The following NIPAL2 variants were observed in gnomAD, a reference collection of about 807,000 sequenced individuals.
NIPAL2 encodes the protein NIPA like domain containing 2.
In NIPAL2, 43 loss-of-function variants were observed where a neutral mutation model predicts 48.9. The observed-to-expected ratio is 0.88, with a 90% CI of 0.69 to 1.13. NIPAL2 has a LOEUF of 1.13. Among genes scored for constraint, NIPAL2 ranks in the 50% most tolerant of loss-of-function variants. The pLI is 0.00. For missense variants in NIPAL2, 446 were observed against 461.4 expected, an observed-to-expected ratio of 0.97 and a Z score of 0.31; for synonymous variants, 167 against 174.6, an observed-to-expected ratio of 0.96 and a Z score of 0.34.
chr8:98,226,309 G>C (rs1812169879), intron 4 of NIPAL2, among the ~76,000 whole-genome samples: 1 of 152,070 alleles, frequency 6.6e-6, no homozygotes, highest in Admixed American at 6.5e-5. Flanking sequence ...TGAGGAGTTA[G>C]ATATTTATTG....
At chr8:98,293,961 C>T (rs1344451705) in intron 1 of NIPAL2, 42 bp downstream of exon 1, 1 of 1,383,250 alleles carries the variant, frequency 7.2e-7, no homozygotes, top group African/African-American at 1.5e-5. Flanking sequence ...CCGCCCTGGC[C>T]GCGTCCCCAC....
chr8:98,220,193 A>G (rs913788258), intron 5 of NIPAL2, among the ~76,000 whole-genome samples: 1 of 152,160 alleles, frequency 6.6e-6, no homozygotes, highest in Non-Finnish European at 1.5e-5. Flanking sequence ...GATATATAGA[A>G]TTCTTGTCAT....
chr8:98,228,111 G>A (rs1812266999), intron 4 of NIPAL2, among the ~76,000 whole-genome samples: 1 of 152,232 alleles, frequency 6.6e-6, no homozygotes, highest in Admixed American at 6.5e-5. Flanking sequence ...GGATGTGGGA[G>A]AGGTGGTGTT....
chr8:98,205,787 A>G (rs1376344724), intron 6 of NIPAL2, among the ~76,000 whole-genome samples: 1 of 152,232 alleles, frequency 6.6e-6, no homozygotes, highest in East Asian at 1.9e-4. Context: ...TACTAAGTCT[A>G]TATGTGAGCC....
chr8:98,208,417 C>T (rs1811144734), intron 6 of NIPAL2, among the ~76,000 whole-genome samples: 1 of 152,066 alleles, frequency 6.6e-6, no homozygotes, highest in South Asian at 2.1e-4. Flanking sequence ...ACTTCCTGGC[C>T]TTCCTGGTTT....
intron 8 of NIPAL2, among the ~76,000 whole-genome samples, chr8:98,196,562 C>G (rs750896149): frequency 5.3e-5 from 8 of 152,224 alleles, no homozygotes; most frequent in Non-Finnish European, 1.2e-4. Context: ...GCCAAGCCCC[C>G]TCTCATCTTC....
intron 1 of NIPAL2, among the ~76,000 whole-genome samples, chr8:98,275,124 T>C (rs1302679424): frequency 6.6e-6 from 1 of 152,160 alleles, no homozygotes; most frequent in East Asian, 1.9e-4. Flanking sequence ...GAAACTGGCA[T>C]TGGTAAATAC....
At chr8:98,270,979 C>A (rs192115268) in intron 1 of NIPAL2, among the ~76,000 whole-genome samples, 42 of 151,566 alleles carry the variant, frequency 2.8e-4, no homozygotes, top group African/African-American at 9.4e-4. Context: ...TTGCTTTTGT[C>A]GACTTTGTCA....
intron 3 of NIPAL2, among the ~76,000 whole-genome samples, chr8:98,245,639 A>T (rs1763533043): frequency 6.6e-6 from 1 of 152,236 alleles, no homozygotes; most frequent in African/African-American, 2.4e-5. Context: ...AAAAGTAAAA[A>T]TACTACCACT....
chr8:98,294,148 T>A lies in NIPAL2; in HGVS notation c.-11A>T. On this transcript the variant is annotated 5_prime_UTR_variant, in exon 1 of 11. Transcript: ENST00000430223. ...CGCCACCGCTGCCATGAGGTCTCGC[T>A]CCCGGCGCTCGGGCTCCGGCTCGGG... 1 of 1,381,362 alleles carries A rather than the reference T, an allele frequency of 7.2e-7. No homozygotes were observed. Among genetic ancestry groups the A allele is most frequent in the African/African-American group, 1.5e-5 (1 of 65,874 alleles). 85.6% of individuals were successfully genotyped at this position (1,381,362 alleles called of 1,614,324 possible).
intron 7 of NIPAL2, 141 bp downstream of exon 7, chr8:98,204,970 G>T: frequency 3.5e-6 from 3 of 849,728 alleles, no homozygotes; most frequent in Non-Finnish European, 5.7e-6. Context: ...AAGGCATGTT[G>T]GCTGAGGACA....
chr8:98,212,591 C>T (rs1409407011), intron 5 of NIPAL2, 90 bp from the exon 6 acceptor site: 2 of 690,510 alleles, frequency 2.9e-6, no homozygotes, highest in South Asian at 1.7e-5. Context: ...CAGCAATTCT[C>T]ATATGAGCGT....
intron 1 of NIPAL2, among the ~76,000 whole-genome samples, chr8:98,260,429 T>C (rs2130849518): frequency 6.6e-6 from 1 of 152,246 alleles, no homozygotes; most frequent in African/African-American, 2.4e-5. Flanking sequence ...GCGCACCGTG[T>C]GCGAGCCGAA....
chr8:98,286,127 A>G (rs953950733), intron 1 of NIPAL2, among the ~76,000 whole-genome samples: 1 of 152,158 alleles, frequency 6.6e-6, no homozygotes, highest in African/African-American at 2.4e-5. Flanking sequence ...TTCTTTCACC[A>G]TGTGATGCCT....
At chr8:98,199,071 C>T (rs113305928) in intron 8 of NIPAL2, among the ~76,000 whole-genome samples, 5,185 of 151,858 alleles carry the variant, frequency 0.034, 302 homozygotes, top group African/African-American at 0.12. Flanking sequence ...ATTCTCCTGC[C>T]TCAGCTTCCC....
At chr8:98,251,205 A>G (rs1296661936) in intron 3 of NIPAL2, among the ~76,000 whole-genome samples, 1 of 151,964 alleles carries the variant, frequency 6.6e-6, no homozygotes, top group African/African-American at 2.4e-5. Flanking sequence ...TAAAGTAAGG[A>G]AAAAAACTAA....
chr8:98,252,405 T>C, intron 3 of NIPAL2, 58 bp downstream of exon 3: 2 of 1,450,786 alleles, frequency 1.4e-6, no homozygotes, highest in Non-Finnish European at 1.8e-6. Flanking sequence ...AGTTGTGTGT[T>C]TTTCTCCGAT....
In NIPAL2 at chr8:98,222,514, A is replaced by G. The variant is rs771383324; in HGVS notation, c.523T>C (p.Tyr175His). ...TQAISARTVQ[Y>H]YLVGWQFLIY... Reference sequence around the variant, plus strand: ...AGGAACTGCCATCCGACAAGGTAATACTGTACTGTTCTTGCTGAGATTGCC... The same window carrying G: ...AGGAACTGCCATCCGACAAGGTAATGCTGTACTGTTCTTGCTGAGATTGCC... Residue 175 changes from tyrosine to histidine, a missense_variant, in exon 5 of 11, where the codon TAT becomes CAT. Transcript: ENST00000430223. 1.2e-6 allele frequency: 2 copies of G among 1,614,024 alleles called. No homozygotes were observed. The highest frequency in any genetic ancestry group is 1.3e-5 in the African/African-American group (1 of 74,938).
intron 4 of NIPAL2, among the ~76,000 whole-genome samples, chr8:98,228,370 G>A (rs1275901518): frequency 6.6e-6 from 1 of 152,160 alleles, no homozygotes; most frequent in Admixed American, 6.5e-5. Context: ...TCACCAACAT[G>A]TTCCTCACCC....
Sources: gnomAD v4.1 joint callset for allele counts (sites outside exome capture counted in the v4.1 genomes callset) on GRCh38, gnomAD v4.1.1 for gene constraint, MANE v1.5 for transcripts, NCBI Gene and HGNC (gene_info 2026-07-23, HGNC 2026-07-21) for gene names.